The following USP42 variants were observed in gnomAD, a reference collection of about 807,000 sequenced individuals.
USP42 encodes the protein ubiquitin carboxyl-terminal hydrolase 42.
In USP42, 23 loss-of-function variants were observed where a neutral mutation model predicts 113.0. The ratio of observed to expected loss-of-function variants is 0.20; its 90% CI spans 0.15 to 0.29. The LOEUF (loss-of-function observed/expected upper bound fraction) is 0.29. Among genes scored for constraint, USP42 ranks in the 10% least tolerant of loss-of-function variants. The pLI is 1.00. For missense variants in USP42, 2,174 were observed against 1,779.8 expected, an observed-to-expected ratio of 1.22 and a Z score of -3.99; for synonymous variants, 933 against 699.0, an observed-to-expected ratio of 1.33 and a Z score of -5.28.
At chr7:6,090,803 T>G in the USP42 span, among the ~76,000 whole-genome samples, 5 of 137,484 alleles carry the variant, frequency 3.6e-5, 1 homozygote, top group African/African-American at 1.6e-4. Flanking sequence ...ATATATAACA[T>G]ATAGTTATAT....
chr7:6,144,026 T>C (rs942751548), intron 8 of USP42, 59 bp from the exon 9 acceptor site: 1 of 1,154,932 alleles, frequency 8.7e-7, no homozygotes, highest in Non-Finnish European at 1.2e-6. Context: ...AAGACCAAAA[T>C]ACCACAAATT....
Position 6,154,273 on chromosome 7 carries a change from G to A in USP42, c.2719G>A (p.Ala907Thr), listed in dbSNP as rs200959317. ...ERPPAPVLDMAPAGHPEGDAE... is the reference protein window; with the variant it reads ...ERPPAPVLDMTPAGHPEGDAE... ...GCCGCCAGCTCCTGTGCTGGACATG[G>A]CCCCGGCCGGTCACCCGGAAGGGGA... The change falls in exon 15 of 18, where the codon GCC (alanine) becomes ACC (threonine). Residue 907 changes from alanine (A) to threonine (T), a missense_variant. Coordinates refer to ENST00000306177, the MANE Select transcript of USP42 (RefSeq NM_032172.3). The A allele has an allele frequency of 6.3e-7, 1 of 1,597,356 alleles. No individual in the cohort carries two copies. Among genetic ancestry groups the A allele is most frequent in the African/African-American group, 1.3e-5 (1 of 74,696 alleles).
At chr7:6,092,753 G>A in the USP42 span, among the ~76,000 whole-genome samples, 1,258 of 151,232 alleles carry the variant, frequency 8.3e-3, 89 homozygotes, top group African/African-American at 0.03. Flanking sequence ...AACAAGCTGG[G>A]TCTAAGACCT....
upstream of USP42, among the ~76,000 whole-genome samples, chr7:6,100,881 T>C (rs957140267): frequency 1.3e-5 from 2 of 150,774 alleles, no homozygotes; most frequent in African/African-American, 5.0e-5. Flanking sequence ...TTGGTCACGC[T>C]GGTCTTGAAC....
intron 1 of USP42, among the ~76,000 whole-genome samples, chr7:6,108,758 C>A (rs924802762): frequency 3.3e-5 from 5 of 152,100 alleles, no homozygotes; most frequent in African/African-American, 1.2e-4. Context: ...GGATTACAGG[C>A]GTGAGCCACT....
Position 6,160,861 on chromosome 7 carries a change from TTCC to T in USP42, c.*347_*349del, listed in dbSNP as rs1481609561. 1 of 152,634 alleles carries T rather than the reference TTCC, an allele frequency of 6.6e-6. No individual in the cohort carries two copies. Among genetic ancestry groups the T allele is most frequent in the Non-Finnish European group, 1.5e-5 (1 of 68,040 alleles). The allele number at this position is 152,634 out of a possible 1,614,324, so 9.5% of individuals were successfully genotyped here. ...TCGATTACTTGTATTTCATGTAATG[TTCC>T]TCCAAGTTAGACATCTGGTGCAAGA... On this transcript the variant is annotated 3_prime_UTR_variant, in exon 18 of 18. Coordinates refer to ENST00000306177, the MANE Select transcript of USP42 (RefSeq NM_032172.3).
At position 6,150,124 on chromosome 7, in the gene USP42, A is replaced by G. The variant is rs781679130; in HGVS notation, c.1928A>G (p.Asp643Gly). 4.3e-6 allele frequency: 7 copies of G among 1,613,064 alleles called. No individual in the cohort carries two copies. The Admixed American group carries it at 1.2e-4, about 27-fold the overall frequency. Residue 643 changes from aspartate to glycine, a missense_variant, in exon 13 of 18, where the codon GAT becomes GGT. Coordinates refer to ENST00000306177, the MANE Select transcript of USP42 (RefSeq NM_032172.3). ...SSHSPGQDAE[D>G]EEATPHELQE... is the part of the protein sequence containing the mutation. The stretch of plus-strand genomic sequence containing the variant: ...CACTCTCCCGGCCAAGATGCCGAAG[A>G]TGAGGAGGCCACTCCGCACGAGCTT...
chr7:6,160,051 A>C lies in USP42; in HGVS notation c.*37-504A>C, dbSNP rs367760197. 2.1e-4 allele frequency among the ~76,000 whole-genome samples: 32 copies of C among 152,334 alleles called. 1 individual carries two copies. The East Asian group carries it at 4.8e-3, about 23-fold the overall frequency. ...GTGGGGCTTTGTTGGATCACTTCACACAGCGGTCCTGGGAGAGTCACTGGT... is the reference window on the plus strand; with the variant it reads ...GTGGGGCTTTGTTGGATCACTTCACCCAGCGGTCCTGGGAGAGTCACTGGT... On this transcript the variant is annotated intron_variant, in intron 17 of 17. Coordinates refer to ENST00000306177, the MANE Select transcript of USP42 (RefSeq NM_032172.3).
chr7:6,118,794 G>A (rs1780051157), intron 3 of USP42, among the ~76,000 whole-genome samples: 1 of 152,086 alleles, frequency 6.6e-6, no homozygotes, highest in African/African-American at 2.4e-5. Context: ...GGTGATTGAA[G>A]CACTTTAGAC....
At chr7:6,112,415 A>G (rs1320841025) in intron 2 of USP42, among the ~76,000 whole-genome samples, 1 of 152,142 alleles carries the variant, frequency 6.6e-6, no homozygotes, top group African/African-American at 2.4e-5. Context: ...GCACCATTGC[A>G]TTTCAGCCTG....
At chr7:6,090,706 C>A in the USP42 span, among the ~76,000 whole-genome samples, 9 of 145,792 alleles carry the variant, frequency 6.2e-5, no homozygotes, top group African/African-American at 1.8e-4. Context: ...CAGAGTGAGA[C>A]TCTGTCTCAA....
At chr7:6,152,858 G>C in intron 14 of USP42, 1 of 822,408 alleles carries the variant, frequency 1.2e-6, no homozygotes, top group South Asian at 5.5e-5. Flanking sequence ...GCTGTGTTTG[G>C]AGGTGGCCCC....
Position 6,154,728 on chromosome 7 carries a change from G to A in USP42, c.3174G>A (p.Arg1058=). ...KFYPDRPRWD[R]CRYYHDRYAL... ...ACCCCGACAGGCCGCGCTGGGACAG[G>A]TGCCGGTACTACCATGACAGGTACG... The change falls in exon 15 of 18, where the codon AGG becomes AGA. Residue 1058 remains arginine, a synonymous_variant. Coordinates refer to ENST00000306177, the MANE Select transcript of USP42 (RefSeq NM_032172.3). The A allele has an allele frequency of 6.3e-7, 1 of 1,586,594 alleles. No homozygotes were observed. The highest frequency in any genetic ancestry group is 8.6e-7 in the Non-Finnish European group (1 of 1,168,036).
intron 3 of USP42, among the ~76,000 whole-genome samples, chr7:6,117,551 T>C (rs747778085): frequency 6.6e-6 from 1 of 152,226 alleles, no homozygotes; most frequent in Non-Finnish European, 1.5e-5. Flanking sequence ...TTCTCTTAGG[T>C]AAATATCTAG....
At chr7:6,131,140 A>G (rs996372599) in intron 3 of USP42, among the ~76,000 whole-genome samples, 1 of 152,108 alleles carries the variant, frequency 6.6e-6, no homozygotes, top group African/African-American at 2.4e-5. Context: ...TGCTACCTCT[A>G]AGAATTGGCT....
Position 6,159,589 on chromosome 7 carries a change from G to A in USP42, c.*36+96G>A. The A allele has an allele frequency of 7.7e-7, 1 of 1,298,522 alleles. No individual in the cohort carries two copies. The highest frequency in any genetic ancestry group is 1.5e-5 in the African/African-American group (1 of 67,682). 80.4% of individuals were successfully genotyped at this position (1,298,522 alleles called of 1,614,324 possible). ...AATTCTGCGGCTCTGCCTGGGGGCT[G>A]GGCTCATAGGAGTTGGCAGAGCCAT... On this transcript the variant is annotated intron_variant, in intron 17 of 17. Coordinates refer to ENST00000306177, the MANE Select transcript of USP42 (RefSeq NM_032172.3). The surrounding 1 kb of genome is among the most constrained non-coding windows in gnomAD (Gnocchi z 4.1).
At chr7:6,113,145 T>A (rs535688395) in intron 2 of USP42, among the ~76,000 whole-genome samples, 1 of 152,174 alleles carries the variant, frequency 6.6e-6, no homozygotes, top group East Asian at 1.9e-4. Flanking sequence ...TCCACCCGCC[T>A]CGGCCTCCCA....
intron 15 of USP42, among the ~76,000 whole-genome samples, chr7:6,156,349 C>T (rs1782444236): frequency 6.6e-6 from 1 of 152,168 alleles, no homozygotes; most frequent in Non-Finnish European, 1.5e-5. Context: ...GTCCAACAGC[C>T]TTAGTTCCTG....
intron 3 of USP42, among the ~76,000 whole-genome samples, chr7:6,117,888 A>T (rs1427818412): frequency 6.6e-6 from 1 of 152,092 alleles, no homozygotes; most frequent in African/African-American, 2.4e-5. Context: ...CCTTTGCTAA[A>T]ATGCCTGTTG....
Sources: allele counts gnomAD v4.1 joint callset (sites outside exome capture counted in the v4.1 genomes callset), GRCh38; gene constraint gnomAD v4.1.1; non-coding constraint Gnocchi (gnomAD v3.1); transcripts MANE v1.5; gene names NCBI Gene and HGNC (gene_info 2026-07-23, HGNC 2026-07-21).